Variants in DCC observed in about 807,000 individuals in gnomAD.
DCC encodes the protein netrin receptor DCC.
Under a neutral mutation model 172.5 loss-of-function variants are expected in DCC, and 58 were observed. The observed-to-expected ratio is 0.34, with a 90% CI of 0.27 to 0.42. The LOEUF is 0.42. Among genes scored for constraint, DCC ranks in the 10% least tolerant of loss-of-function variants. The pLI is 1.00. For synonymous variants in DCC, 709 were observed against 644.5 expected, an observed-to-expected ratio of 1.10 and a Z score of -1.52; for missense variants, 1,740 against 1,791.0, an observed-to-expected ratio of 0.97 and a Z score of 0.51.
At chr18:52,819,165 T>C (rs1045585059) in intron 2 of DCC, among the ~76,000 whole-genome samples, 1 of 152,100 alleles carries the variant, frequency 6.6e-6, no homozygotes, top group South Asian at 2.1e-4. Context: ...TGGGTCAATA[T>C]GAGCTATAGT....
intron 1 of DCC, among the ~76,000 whole-genome samples, chr18:52,600,911 G>A (rs1893759452): frequency 6.6e-6 from 1 of 152,092 alleles, no homozygotes; most frequent in African/African-American, 2.4e-5. Flanking sequence ...TCCCTAGTGA[G>A]TAAATTGGGA....
At chr18:52,696,261 T>C (rs1337456395) in intron 1 of DCC, among the ~76,000 whole-genome samples, 1 of 152,230 alleles carries the variant, frequency 6.6e-6, no homozygotes, top group Admixed American at 6.5e-5. Flanking sequence ...TTCCCTGTTA[T>C]CTGAACAAAG....
intron 7 of DCC, among the ~76,000 whole-genome samples, chr18:53,118,909 C>T (rs562012242): frequency 4.2e-4 from 63 of 151,536 alleles, no homozygotes; most frequent in African/African-American, 1.4e-3. Context: ...ATTTTTTTTC[C>T]TTCTCTCTCT....
chr18:52,521,591 G>T (rs1598884636), intron 1 of DCC, among the ~76,000 whole-genome samples: 1 of 152,148 alleles, frequency 6.6e-6, no homozygotes, highest in Admixed American at 6.5e-5. Context: ...TGGGGCAGGG[G>T]ATATCAACAT....
At chr18:52,624,827 C>A (rs748823890) in intron 1 of DCC, among the ~76,000 whole-genome samples, 1 of 152,110 alleles carries the variant, frequency 6.6e-6, no homozygotes, top group Non-Finnish European at 1.5e-5. Context: ...GGTTTAAAAG[C>A]GCAACTAGGC....
At chr18:53,050,899 T>C (rs2042325009) in intron 5 of DCC, among the ~76,000 whole-genome samples, 1 of 152,152 alleles carries the variant, frequency 6.6e-6, no homozygotes, top group South Asian at 2.1e-4. Context: ...ACTTTCACCT[T>C]GGCATGTTTA....
chr18:53,115,016 T>C (rs539045570), intron 7 of DCC, among the ~76,000 whole-genome samples: 1 of 151,780 alleles, frequency 6.6e-6, no homozygotes, highest in Admixed American at 6.6e-5. Context: ...AATGAACTCT[T>C]AAGGTTTTTC....
intron 2 of DCC, among the ~76,000 whole-genome samples, chr18:52,789,883 T>C (rs1186632554): frequency 1.3e-5 from 2 of 152,146 alleles, no homozygotes; most frequent in Non-Finnish European, 2.9e-5. Context: ...TTCCCTCTTG[T>C]CTGGGGACCA....
intron 9 of DCC, among the ~76,000 whole-genome samples, chr18:53,201,948 G>T (rs183667585): frequency 3.1e-4 from 47 of 152,262 alleles, no homozygotes; most frequent in African/African-American, 1.1e-3. Flanking sequence ...AGTAGAGATG[G>T]ATTGGAATGG....
At chr18:52,956,636 C>A (rs1440796846) in intron 5 of DCC, among the ~76,000 whole-genome samples, 1 of 152,050 alleles carries the variant, frequency 6.6e-6, no homozygotes, top group African/African-American at 2.4e-5. Context: ...CACAAAGTAA[C>A]TTACTGAAAT....
At chr18:52,793,705 T>C (rs1400940962) in intron 2 of DCC, among the ~76,000 whole-genome samples, 1 of 152,210 alleles carries the variant, frequency 6.6e-6, no homozygotes, top group African/African-American at 2.4e-5. Flanking sequence ...GGCCATAAAA[T>C]CTTTGCCTAG....
intron 1 of DCC, among the ~76,000 whole-genome samples, chr18:52,524,935 C>G (rs1011060878): frequency 1.3e-5 from 2 of 151,862 alleles, no homozygotes; most frequent in African/African-American, 4.8e-5. Context: ...TTTTGAATAG[C>G]AGAGAGCTGA....
chr18:53,234,265 T>TA (rs1209885463), intron 12 of DCC, among the ~76,000 whole-genome samples: 1 of 150,376 alleles, frequency 6.6e-6, no homozygotes, highest in Non-Finnish European at 1.5e-5. Flanking sequence ...TAAAATGAAA[T>TA]AAAAAATACA....
intron 1 of DCC, among the ~76,000 whole-genome samples, chr18:52,403,570 T>C (rs1986521562): frequency 6.6e-6 from 1 of 152,042 alleles, no homozygotes; most frequent in Non-Finnish European, 1.5e-5. Flanking sequence ...CCATGAATCA[T>C]CTCATTTTCC....
In DCC at chr18:52,691,547, A is replaced by G. The variant is rs78687860; in HGVS notation, c.92-60507A>G. On this transcript the variant is annotated intron_variant, in intron 1 of 28. Transcript: ENST00000442544. ...CTTTGTCATTCCTTGGCTTGTAGCTACATCACTCCAATCTCTGGCTTAATC... is the reference window on the plus strand; with the variant it reads ...CTTTGTCATTCCTTGGCTTGTAGCTGCATCACTCCAATCTCTGGCTTAATC... 4.3e-3 allele frequency among the ~76,000 whole-genome samples: 649 copies of G among 152,200 alleles called. 7 individuals are homozygous for G. The highest frequency in any genetic ancestry group is 0.015 in the African/African-American group (619 of 41,542).
intron 12 of DCC, among the ~76,000 whole-genome samples, chr18:53,263,168 T>C (rs1026918296): frequency 2.0e-5 from 3 of 152,198 alleles, no homozygotes; most frequent in African/African-American, 7.2e-5. Flanking sequence ...ATTTTATTTT[T>C]TGAGACAGAG....
chr18:52,477,087 C>T (rs77702046), intron 1 of DCC, among the ~76,000 whole-genome samples: 8,653 of 152,226 alleles, frequency 0.057, 337 homozygotes, highest in Middle Eastern at 0.15. Context: ...TGGCTGCTCC[C>T]TCTGCAGGAC....
intron 1 of DCC, among the ~76,000 whole-genome samples, chr18:52,551,449 T>C (rs1333475796): frequency 1.3e-5 from 2 of 151,968 alleles, no homozygotes; most frequent in Non-Finnish European, 2.9e-5. Flanking sequence ...GTTATAGTAA[T>C]ATGATTACCT....
intron 2 of DCC, among the ~76,000 whole-genome samples, chr18:52,853,549 T>C (rs1394941188): frequency 6.6e-6 from 1 of 152,166 alleles, no homozygotes; most frequent in African/African-American, 2.4e-5. Flanking sequence ...TAATCCATGG[T>C]AGAGGTGAGG....
Sources: allele counts gnomAD v4.1 joint callset (sites outside exome capture counted in the v4.1 genomes callset), GRCh38; gene constraint gnomAD v4.1.1; transcripts MANE v1.5; gene names NCBI Gene and HGNC (gene_info 2026-07-23, HGNC 2026-07-21).